Variants in PTTG1IP2 observed in about 807,000 individuals in gnomAD.
PTTG1IP2 encodes PTTG1IP family member 2.
intron 1 of PTTG1IP2, among the ~76,000 whole-genome samples, chr7:90,472,321 C>T (rs1170275783): frequency 7.3e-6 from 1 of 136,186 alleles, no homozygotes; most frequent in Non-Finnish European, 1.5e-5. Context: ...CACACACACA[C>T]CCCAAATAAT....
intron 6 of PTTG1IP2, among the ~76,000 whole-genome samples, chr7:90,510,061 T>C (rs778356877): frequency 2.0e-5 from 3 of 152,186 alleles, no homozygotes; most frequent in Non-Finnish European, 4.4e-5. Flanking sequence ...TACAAGACAG[T>C]GGCTACCTGG....
intron 6 of PTTG1IP2, among the ~76,000 whole-genome samples, chr7:90,498,943 C>G (rs1257676496): frequency 1.3e-5 from 2 of 152,160 alleles, no homozygotes; most frequent in African/African-American, 4.8e-5. Context: ...CCTCCACCTC[C>G]TGGGCTCAAT....
intron 6 of PTTG1IP2, among the ~76,000 whole-genome samples, chr7:90,511,792 A>G (rs1483741165): frequency 6.6e-6 from 1 of 152,172 alleles, no homozygotes; most frequent in Non-Finnish European, 1.5e-5. Flanking sequence ...TATCTTGGGC[A>G]TATTATTAAC....
chr7:90,492,129 T>C (rs1797945591), intron 4 of PTTG1IP2, 110 bp from the exon 5 acceptor site: 1 of 152,066 alleles, frequency 6.6e-6, no homozygotes, highest in South Asian at 2.1e-4. Context: ...AGACTCTGTC[T>C]CAAAAATAAT....
At chr7:90,491,243 G>T (rs1459461082) in intron 4 of PTTG1IP2, among the ~76,000 whole-genome samples, 1 of 152,176 alleles carries the variant, frequency 6.6e-6, no homozygotes, top group Non-Finnish European at 1.5e-5. Flanking sequence ...ATGCCTCCTT[G>T]ATTGTCATCT....
chr7:90,480,465 T>A (rs1797802825), intron 2 of PTTG1IP2, among the ~76,000 whole-genome samples: 1 of 152,192 alleles, frequency 6.6e-6, no homozygotes, highest in Admixed American at 6.5e-5. Flanking sequence ...TAAAACTTTA[T>A]ACCCCGAAGA....
At chr7:90,499,942 A>C (rs1798043227) in intron 6 of PTTG1IP2, among the ~76,000 whole-genome samples, 1 of 151,954 alleles carries the variant, frequency 6.6e-6, no homozygotes, top group Non-Finnish European at 1.5e-5. Context: ...CACCGGGTGC[A>C]GTGGCTCAGG....
intron 2 of PTTG1IP2, among the ~76,000 whole-genome samples, chr7:90,479,829 A>C (rs773745712): frequency 6.6e-5 from 10 of 152,220 alleles, no homozygotes; most frequent in Admixed American, 5.9e-4. Context: ...CTGTAGTCTA[A>C]CTTGTATTGG....
At chr7:90,472,439 G>A (rs972269144) in intron 1 of PTTG1IP2, among the ~76,000 whole-genome samples, 2 of 152,108 alleles carry the variant, frequency 1.3e-5, no homozygotes, top group African/African-American at 2.4e-5. Context: ...CCTCGAAGTC[G>A]ATAGCAAGAT....
chr7:90,502,383 A>G (rs912534422), intron 6 of PTTG1IP2, among the ~76,000 whole-genome samples: 2 of 152,202 alleles, frequency 1.3e-5, no homozygotes, highest in Non-Finnish European at 2.9e-5. Context: ...ACTCCTGTTA[A>G]TGTTGATATT....
At chr7:90,491,563 C>T (rs1369790467) in intron 4 of PTTG1IP2, among the ~76,000 whole-genome samples, 1 of 150,968 alleles carries the variant, frequency 6.6e-6, no homozygotes. Flanking sequence ...GCAGAGGTTG[C>T]AGTGAGCTGA....
intron 2 of PTTG1IP2, among the ~76,000 whole-genome samples, chr7:90,484,740 T>C (rs1797849790): frequency 6.6e-6 from 1 of 152,170 alleles, no homozygotes; most frequent in Non-Finnish European, 1.5e-5. Context: ...AAAGGGGAAT[T>C]CATTGGCTTA....
chr7:90,500,888 G>A (rs933723153), intron 6 of PTTG1IP2, among the ~76,000 whole-genome samples: 1 of 152,206 alleles, frequency 6.6e-6, no homozygotes, highest in Non-Finnish European at 1.5e-5. Context: ...CACAACATCT[G>A]TCATTGATTT....
At chr7:90,475,832 A>G (rs965405085) in intron 1 of PTTG1IP2, among the ~76,000 whole-genome samples, 1 of 151,628 alleles carries the variant, frequency 6.6e-6, no homozygotes, top group Non-Finnish European at 1.5e-5. Context: ...GGTGGTGCAC[A>G]CCTGTAGTCC....
chr7:90,502,676 A>G (rs1447578292), intron 6 of PTTG1IP2, among the ~76,000 whole-genome samples: 1 of 152,226 alleles, frequency 6.6e-6, no homozygotes, highest in Non-Finnish European at 1.5e-5. Context: ...ATTGTCAATG[A>G]GCATTAACAT....
chr7:90,472,407 G>A (rs763894877), intron 1 of PTTG1IP2, among the ~76,000 whole-genome samples: 68 of 151,756 alleles, frequency 4.5e-4, no homozygotes, highest in Non-Finnish European at 7.5e-4. Context: ...ACAATCAAAC[G>A]AGAAATATTC....
chr7:90,497,742 A>AAAAAAAAAAAAAAAAAAGAAG (rs1554407474), intron 6 of PTTG1IP2, among the ~76,000 whole-genome samples: 1 of 135,616 alleles, frequency 7.4e-6, no homozygotes, highest in Non-Finnish European at 1.5e-5. Context: ...AAAAAAAAAA[A>AAAAAAAAAAAAAAAAAAGAAG]AAGAAGAAGA....
chr7:90,480,435 C>T (rs920045194), intron 2 of PTTG1IP2, among the ~76,000 whole-genome samples: 1 of 151,922 alleles, frequency 6.6e-6, no homozygotes, highest in African/African-American at 2.4e-5. Flanking sequence ...TCAAATACAC[C>T]AATAAAGAAA....
At position 90,507,600 on chromosome 7, in the gene PTTG1IP2, G is replaced by A. The variant is rs113822543; in HGVS notation, c.*51-5678G>A. 5.2e-3 allele frequency among the ~76,000 whole-genome samples: 793 copies of A among 152,272 alleles called. 6 individuals carry two copies. The highest frequency in any genetic ancestry group is 0.017 in the African/African-American group (723 of 41,540). ...GAGCCAGGCAAGATAGGGCCATGAAGTAGAAGGAGCTCAATCTCAGGGCCA... is the reference window on the plus strand; with the variant it reads ...GAGCCAGGCAAGATAGGGCCATGAAATAGAAGGAGCTCAATCTCAGGGCCA... On this transcript the variant is annotated intron_variant, in intron 6 of 6. Transcript: ENST00000509356.
Sources: gnomAD v4.1 joint callset for allele counts (sites outside exome capture counted in the v4.1 genomes callset) on GRCh38, gnomAD v4.1.1 for gene constraint, MANE v1.5 for transcripts, NCBI Gene and HGNC (gene_info 2026-07-23, HGNC 2026-07-21) for gene names.